The following WDR64 variants were observed in gnomAD, a reference collection of about 807,000 sequenced individuals.
WDR64 encodes the protein WD repeat domain 64.
WDR64 carries 112 observed loss-of-function variants against 139.3 expected under a neutral mutation model. That is an observed-to-expected ratio of 0.80 (90% CI 0.69 to 0.94). WDR64 has a LOEUF of 0.94. Among genes scored for constraint, WDR64 ranks in the 40% least tolerant of loss-of-function variants. The probability of loss-of-function intolerance (pLI) is 0.00; values close to 1 mark genes in which losing one functional copy is unlikely to be tolerated. For synonymous variants in WDR64, 444 were observed against 437.7 expected (o/e 1.01, Z -0.18); for missense variants, 1,206 against 1,293.1 (o/e 0.93, Z 1.03).
chr1:241,769,658 A>G (rs1658344530), intron 17 of WDR64, among the ~76,000 whole-genome samples, 153 bp downstream of exon 17: 1 of 152,242 alleles, frequency 6.6e-6, no homozygotes, highest in Non-Finnish European at 1.5e-5. Context: ...CTGAAAAAAG[A>G]CATCAGTTGG....
chr1:241,657,806 G>A (rs1184488871), intron 1 of WDR64, among the ~76,000 whole-genome samples: 1 of 152,132 alleles, frequency 6.6e-6, no homozygotes, highest in Non-Finnish European at 1.5e-5. Context: ...CCCATAAAAT[G>A]TACTCTTCTG....
At chr1:241,754,524 T>G (rs1029662176) in intron 14 of WDR64, among the ~76,000 whole-genome samples, 2 of 152,046 alleles carry the variant, frequency 1.3e-5, no homozygotes, top group African/African-American at 4.8e-5. Flanking sequence ...TTCACCATGT[T>G]GGCCAGGATA....
intron 1 of WDR64, among the ~76,000 whole-genome samples, chr1:241,657,350 T>A (rs1380777674): frequency 1.3e-5 from 2 of 152,062 alleles, no homozygotes; most frequent in Non-Finnish European, 2.9e-5. Context: ...AAGGGCATAT[T>A]ATATCATTTC....
intron 14 of WDR64, among the ~76,000 whole-genome samples, chr1:241,751,986 A>G (rs1264310651): frequency 6.6e-6 from 1 of 152,188 alleles, no homozygotes; most frequent in Non-Finnish European, 1.5e-5. Context: ...CTAACATGAT[A>G]AACAAAGCAC....
At chr1:241,709,195 T>G (rs997541678) in intron 8 of WDR64, among the ~76,000 whole-genome samples, 7 of 152,156 alleles carry the variant, frequency 4.6e-5, no homozygotes, top group Non-Finnish European at 1.0e-4. Flanking sequence ...ATCTGCATCC[T>G]CCTAAAGTTT....
At chr1:241,755,727 A>G (rs1670163567) in intron 14 of WDR64, among the ~76,000 whole-genome samples, 1 of 152,072 alleles carries the variant, frequency 6.6e-6, no homozygotes, top group Non-Finnish European at 1.5e-5. Context: ...ATCTTGAATT[A>G]ATTTTTGTAT....
chr1:241,749,921 C>T (rs1424804504), intron 14 of WDR64, among the ~76,000 whole-genome samples, 199 bp downstream of exon 14: 1 of 152,166 alleles, frequency 6.6e-6, no homozygotes, highest in East Asian at 1.9e-4. Flanking sequence ...TGCCCAGCCA[C>T]GGCATGCTGC....
intron 2 of WDR64, among the ~76,000 whole-genome samples, chr1:241,663,454 G>C (rs1665912949): frequency 6.6e-6 from 1 of 152,196 alleles, no homozygotes; most frequent in African/African-American, 2.4e-5. Flanking sequence ...CTCAGAACTA[G>C]AGGTGTACAC....
intron 4 of WDR64, among the ~76,000 whole-genome samples, chr1:241,675,217 C>CCTTCCTCCCT (rs1558466386): frequency 4.7e-5 from 4 of 85,664 alleles, no homozygotes; most frequent in African/African-American, 2.1e-4. Context: ...CTTCCTCCCT[C>CCTTCCTCCCT]CCTTCTTCCT....
In WDR64 at chr1:241,793,512, A is replaced by G. The variant is rs530294463; in HGVS notation, c.2998-1695A>G. Reference sequence around the variant, plus strand: ...GTATGTCCTGAATGTTCAGTATATCATTATTCTTTAACAGTATCTACCTCA... The same window carrying G: ...GTATGTCCTGAATGTTCAGTATATCGTTATTCTTTAACAGTATCTACCTCA... On this transcript the variant is annotated intron_variant, in intron 25 of 27. Transcript: ENST00000437684. Among the ~76,000 whole-genome samples the G allele has an allele frequency of 4.8e-4, 73 of 152,338 alleles. No homozygotes were observed. The South Asian group carries it at 0.014, about 29-fold the overall frequency.
At chr1:241,756,918 G>A (rs1431424779) in intron 14 of WDR64, among the ~76,000 whole-genome samples, 1 of 152,154 alleles carries the variant, frequency 6.6e-6, no homozygotes, top group Admixed American at 6.5e-5. Flanking sequence ...GAAATAACTT[G>A]TATAAATCTC....
rs1573996514 is a variant in WDR64 at position 241,674,906 on chromosome 1, CTTATT to C, written c.483+160_483+164del. ...TCCTTCTTGCTTTTATTTCCTTCCT[CTTATT>C]CCTTCCTTCCTTCTTTCCTTCCTCC... On this transcript the variant is annotated intron_variant, in intron 4 of 27. Transcript: ENST00000437684. Among the ~76,000 whole-genome samples the C allele has an allele frequency of 7.2e-4, 16 of 22,126 alleles. 3 individuals are homozygous for C. Among genetic ancestry groups the C allele is most frequent in the East Asian group, 2.6e-3 (3 of 1,134 alleles). The allele number at this position is 22,126 out of a possible 152,430, so 14.5% of individuals were successfully genotyped here.
At chr1:241,730,023 T>C (rs1188910551) in intron 10 of WDR64, among the ~76,000 whole-genome samples, 2 of 152,166 alleles carry the variant, frequency 1.3e-5, no homozygotes, top group Non-Finnish European at 2.9e-5. Flanking sequence ...CCTGAGTGAC[T>C]GTAGGAAAAT....
At chr1:241,756,714 G>A (rs1005743967) in intron 14 of WDR64, among the ~76,000 whole-genome samples, 1 of 152,128 alleles carries the variant, frequency 6.6e-6, no homozygotes, top group African/African-American at 2.4e-5. Context: ...TAGAAAAGTT[G>A]AAGATATGCA....
At position 241,689,635 on chromosome 1, in the gene WDR64, G is replaced by A. The variant is rs561688540; in HGVS notation, c.974+2040G>A. Among the ~76,000 whole-genome samples the A allele has an allele frequency of 2.0e-5, 3 of 152,304 alleles. No individual in the cohort carries two copies. In the East Asian group the frequency reaches 5.8e-4, roughly 29 times the overall value. Reference sequence around the variant, plus strand: ...AGAGACAGAACAAGCATCAGAATCAGATGCAGACATGGCAAGGAGGTTGGA... The same window carrying A: ...AGAGACAGAACAAGCATCAGAATCAAATGCAGACATGGCAAGGAGGTTGGA... On this transcript the variant is annotated intron_variant, in intron 8 of 27. Transcript: ENST00000437684.
rs1056703912 is a variant in WDR64, at chr1:241,671,242, C to T, written c.379+66C>T. On this transcript the variant is annotated intron_variant, in intron 3 of 27. Coordinates refer to ENST00000437684, the MANE Select transcript of WDR64 (RefSeq NM_001367482.1). ...AATATTTTCCTCAAGAATACTGGAACTATATTTTCCATAGAATCACTTTTC... is the reference window on the plus strand; with the variant it reads ...AATATTTTCCTCAAGAATACTGGAATTATATTTTCCATAGAATCACTTTTC... The T allele has an allele frequency of 7.6e-6, 8 of 1,048,128 alleles. No homozygotes were observed. The East Asian group carries it at 2.1e-4, about 27-fold the overall frequency. 64.9% of individuals were successfully genotyped at this position (1,048,128 alleles called of 1,614,324 possible).
In WDR64 at chr1:241,735,531, C is replaced by CCCTTTTTTT. The variant is rs1296893731; in HGVS notation, c.1195-2832_1195-2831insCCTTTTTTT. Among the ~76,000 whole-genome samples the CCCTTTTTTT allele has an allele frequency of 8.0e-4, 77 of 96,806 alleles. 1 individual carries two copies. The highest frequency in any genetic ancestry group is 3.1e-3 in the African/African-American group (75 of 24,412). The allele number at this position is 96,806 out of a possible 152,430, so 63.5% of individuals were successfully genotyped here. A position where few individuals can be genotyped will look rare whatever the true frequency, so the allele number is the denominator to read the frequency against. On this transcript the variant is annotated intron_variant, in intron 10 of 27. Transcript: ENST00000437684. Reference sequence around the variant, plus strand: ...TAGTTCTCTGTCTCTCTCTCTCTCTCTCTTTTTTTTTTTTTTTTTTTGATA... The same window carrying CCCTTTTTTT: ...TAGTTCTCTGTCTCTCTCTCTCTCTCCCTTTTTTTTCTTTTTTTTTTTTTTTTTTTGATA...
intron 26 of WDR64, 149 bp downstream of exon 26, chr1:241,795,436 G>A (rs78461872): frequency 0.013 from 8,281 of 645,276 alleles, 72 homozygotes; most frequent in Non-Finnish European, 0.016. Flanking sequence ...TGCAGTCCCA[G>A]AAAAGTCTTG....
intron 9 of WDR64, among the ~76,000 whole-genome samples, chr1:241,713,767 G>A (rs967395918): frequency 1.3e-5 from 2 of 152,154 alleles, no homozygotes; most frequent in Non-Finnish European, 2.9e-5. Flanking sequence ...GATGGAGAGG[G>A]TCTGAATTAC....
Sources: gnomAD v4.1 joint callset for allele counts (sites outside exome capture counted in the v4.1 genomes callset) on GRCh38, gnomAD v4.1.1 for gene constraint, MANE v1.5 for transcripts, NCBI Gene and HGNC (gene_info 2026-07-23, HGNC 2026-07-21) for gene names.